The following ITGA1 variants were observed in gnomAD, a reference collection of about 807,000 sequenced individuals.
The protein encoded by ITGA1 is integrin subunit alpha 1.
Under a neutral mutation model 145.9 loss-of-function variants are expected in ITGA1, and 85 were observed. The observed-to-expected ratio is 0.58, with a 90% CI of 0.49 to 0.70. ITGA1 has a LOEUF of 0.70. Ranked by LOEUF, ITGA1 falls within the 30% of genes least tolerant of loss-of-function variation. The pLI, the probability that ITGA1 is intolerant of heterozygous loss-of-function variation, is 0.00. For synonymous variants in ITGA1, 520 were observed against 495.3 expected, an observed-to-expected ratio of 1.05 and a Z score of -0.66; for missense variants, 1,351 against 1,418.7, an observed-to-expected ratio of 0.95 and a Z score of 0.77.
chr5:52,945,446 CAT>C lies in ITGA1; in HGVS notation c.3378+412_3378+413del, dbSNP rs1268063204. Reference sequence around the variant, plus strand: ...AGTGCCTTTATACTGTACAGGAAAACATGTACATTTTTTAAAGTTTTCTTTCA... The same window carrying C: ...AGTGCCTTTATACTGTACAGGAAAACGTACATTTTTTAAAGTTTTCTTTCA... On this transcript the variant is annotated intron_variant, in intron 27 of 28. Transcript: ENST00000282588. Among the ~76,000 whole-genome samples the C allele has an allele frequency of 3.9e-5, 6 of 152,076 alleles. No homozygotes were observed. The East Asian group carries it at 1.2e-3, about 29-fold the overall frequency.
chr5:52,898,266 G>T lies in ITGA1; in HGVS notation c.1192G>T (p.Ala398Ser), dbSNP rs1364709424. The change falls in exon 11 of 29, where the codon GCC becomes TCC. Residue 398 changes from alanine (A) to serine (S), a missense_variant. Ala to Ser is a moderately conservative substitution (Grantham distance 99). Coordinates refer to ENST00000282588, the MANE Select transcript of ITGA1 (RefSeq NM_181501.2). Reference protein sequence around the residue: ...QDWVMLGAVGAYDWNGTVVMQ... With the variant: ...QDWVMLGAVGSYDWNGTVVMQ... ...CTGGGTCATGCTTGGAGCAGTAGGA[G>T]CCTATGATTGGAATGGAACAGTTGT... 1 of 1,605,124 alleles carries T rather than the reference G, an allele frequency of 6.2e-7. No homozygotes were observed. Among genetic ancestry groups the T allele is most frequent in the Non-Finnish European group, 8.5e-7 (1 of 1,175,606 alleles).
At chr5:52,893,017 A>G (rs1053353898) in intron 8 of ITGA1, among the ~76,000 whole-genome samples, 5 of 152,094 alleles carry the variant, frequency 3.3e-5, no homozygotes, top group Non-Finnish European at 7.4e-5. Context: ...TTAAAAAAAA[A>G]CTAAATGTTT....
intron 1 of ITGA1, among the ~76,000 whole-genome samples, chr5:52,819,044 T>G (rs1042156253): frequency 6.6e-6 from 1 of 152,038 alleles, no homozygotes; most frequent in African/African-American, 2.4e-5. Flanking sequence ...AAGGAGAGAG[T>G]TGTAGATAGA....
chr5:52,881,767 G>C, intron 6 of ITGA1, 106 bp from the exon 7 acceptor site: 1 of 1,007,868 alleles, frequency 9.9e-7, no homozygotes. Flanking sequence ...TGATAGGTTT[G>C]CAAACTCATC....
At position 52,938,230 on chromosome 5, in the gene ITGA1, A is replaced by C. The variant is rs905027030; in HGVS notation, c.3078+716A>C. On this transcript the variant is annotated intron_variant, in intron 24 of 28. Transcript: ENST00000282588. ...TAAAGTGACTTCTTAATTGTACCTA[A>C]GCATGCACAGCTGCAAACAAAATAG... 1.5e-4 allele frequency among the ~76,000 whole-genome samples: 23 copies of C among 152,166 alleles called. 1 individual carries two copies. The highest frequency in any genetic ancestry group is 4.1e-4 in the African/African-American group (17 of 41,430).
At chr5:52,790,974 C>A (rs1335418169) in intron 1 of ITGA1, among the ~76,000 whole-genome samples, 1 of 152,160 alleles carries the variant, frequency 6.6e-6, no homozygotes, top group Non-Finnish European at 1.5e-5. Flanking sequence ...CATCCTACCA[C>A]CCTCTGACAT....
chr5:52,859,734 G>A (rs1749569694), intron 2 of ITGA1, among the ~76,000 whole-genome samples: 1 of 152,094 alleles, frequency 6.6e-6, no homozygotes, highest in East Asian at 1.9e-4. Flanking sequence ...AACTTTCCCA[G>A]CATCTTTTGT....
At chr5:52,821,978 G>T (rs887301447) in intron 1 of ITGA1, among the ~76,000 whole-genome samples, 10 of 152,142 alleles carry the variant, frequency 6.6e-5, no homozygotes, top group African/African-American at 2.4e-4. Context: ...TTTTAGGAAT[G>T]AATATATCAC....
intron 27 of ITGA1, among the ~76,000 whole-genome samples, chr5:52,945,254 A>G (rs1339117275): frequency 6.6e-6 from 1 of 152,182 alleles, no homozygotes; most frequent in East Asian, 1.9e-4. Flanking sequence ...TTTACAATTC[A>G]CATGCCGCAT....
chr5:52,788,451 G>A (rs950719497), intron 1 of ITGA1, 37 bp downstream of exon 1: 11 of 1,453,680 alleles, frequency 7.6e-6, no homozygotes, highest in Non-Finnish European at 1.0e-5. Flanking sequence ...TCTCCTGCTC[G>A]CGGGCTTGGG....
chr5:52,799,746 G>C (rs549319510), intron 1 of ITGA1: 38 of 153,386 alleles, frequency 2.5e-4, no homozygotes, highest in African/African-American at 8.9e-4. Flanking sequence ...TGGGCCGTTG[G>C]GGCCAAATCT....
At chr5:52,828,270 C>T (rs1459236691) in intron 1 of ITGA1, among the ~76,000 whole-genome samples, 1 of 152,168 alleles carries the variant, frequency 6.6e-6, no homozygotes, top group Non-Finnish European at 1.5e-5. Flanking sequence ...TTCCCACCAA[C>T]AATATATGAG....
intron 17 of ITGA1, among the ~76,000 whole-genome samples, chr5:52,921,263 C>T (rs186562406): frequency 1.3e-5 from 2 of 152,206 alleles, no homozygotes; most frequent in Admixed American, 1.3e-4. Flanking sequence ...AAACTTGGAG[C>T]TTTAAAGGAA....
chr5:52,869,138 A>T (rs1248162768), intron 6 of ITGA1, among the ~76,000 whole-genome samples: 2 of 152,070 alleles, frequency 1.3e-5, no homozygotes, highest in African/African-American at 4.8e-5. Context: ...CATTATATAT[A>T]AGCAACCCAT....
intron 1 of ITGA1, among the ~76,000 whole-genome samples, chr5:52,820,021 C>A (rs1748849449): frequency 6.7e-6 from 1 of 150,132 alleles, no homozygotes; most frequent in Non-Finnish European, 1.5e-5. Flanking sequence ...GTTTTGGTAC[C>A]AGTACCATGC....
intron 24 of ITGA1, among the ~76,000 whole-genome samples, chr5:52,938,247 A>G (rs1424663075): frequency 6.6e-6 from 1 of 152,238 alleles, no homozygotes; most frequent in Non-Finnish European, 1.5e-5. Context: ...ACAGCTGCAA[A>G]CAAAATAGTA....
At position 52,864,869 on chromosome 5, in the gene ITGA1, G is replaced by A; in HGVS notation, c.384+18G>A. 1.3e-6 allele frequency: 2 copies of A among 1,571,754 alleles called. No homozygotes were observed. The highest frequency in any genetic ancestry group is 1.8e-6 in the Non-Finnish European group (2 of 1,142,716). On this transcript the variant is annotated intron_variant, in intron 4 of 28. Coordinates refer to ENST00000282588, the MANE Select transcript of ITGA1 (RefSeq NM_181501.2). ...GATTTCTGGTAAGAATGGAGAGAAT[G>A]ATATTTATTGACAACAGATATGCTA...
chr5:52,925,603 T>C, intron 19 of ITGA1, 116 bp downstream of exon 19: 2 of 771,044 alleles, frequency 2.6e-6, no homozygotes, highest in Non-Finnish European at 4.2e-6. Flanking sequence ...AGAAGGAATT[T>C]TTTACATTAG....
intron 28 of ITGA1, among the ~76,000 whole-genome samples, chr5:52,947,822 A>G (rs1016609089): frequency 6.6e-6 from 1 of 152,176 alleles, no homozygotes; most frequent in African/African-American, 2.4e-5. Context: ...TTTTATAGAG[A>G]AAGAAAAAAT....
Sources: gnomAD v4.1 joint callset for allele counts (sites outside exome capture counted in the v4.1 genomes callset) on GRCh38, gnomAD v4.1.1 for gene constraint, MANE v1.5 for transcripts, NCBI Gene and HGNC (gene_info 2026-07-23, HGNC 2026-07-21) for gene names.